Variants in SNTG1 observed in about 807,000 individuals in gnomAD.
SNTG1 encodes the protein syntrophin gamma 1, also known as gamma-1-syntrophin.
A neutral mutation model predicts 74.7 loss-of-function variants in SNTG1; 39 were observed. The observed-to-expected ratio is 0.52, with a 90% CI of 0.40 to 0.68. The LOEUF is 0.68. Ranked by LOEUF, SNTG1 falls within the 30% of genes least tolerant of loss-of-function variation. SNTG1 has a pLI of 0.00. For synonymous variants in SNTG1, 254 were observed against 217.1 expected, an observed-to-expected ratio of 1.17 and a Z score of -1.49; for missense variants, 685 against 609.5, an observed-to-expected ratio of 1.12 and a Z score of -1.30.
chr8:49,979,688 C>T (rs958639034), intron 1 of SNTG1, among the ~76,000 whole-genome samples: 7 of 152,186 alleles, frequency 4.6e-5, no homozygotes, highest in Non-Finnish European at 5.9e-5. Context: ...ACTGAAGGCT[C>T]TCTGCGGGCA....
At chr8:50,783,107 G>T (rs1161405884) in intron 18 of SNTG1, among the ~76,000 whole-genome samples, 1 of 152,134 alleles carries the variant, frequency 6.6e-6, no homozygotes, top group African/African-American at 2.4e-5. Context: ...GTGTCAGTCT[G>T]GGGGGTGCCT....
At chr8:50,236,422 A>G (rs529059758) in intron 2 of SNTG1, among the ~76,000 whole-genome samples, 90 of 151,662 alleles carry the variant, frequency 5.9e-4, no homozygotes, top group African/African-American at 1.7e-3. Context: ...AAAAGCTCTG[A>G]ATGTTTACAG....
Position 50,624,457 on chromosome 8 carries a change from T to A in SNTG1, c.850-32452T>A, listed in dbSNP as rs2094943960. ...TATTGGGTCACTAAAATGACCAAAA[T>A]GGCCCTGGATGTCATTTTAAGTCAG... On this transcript the variant is annotated intron_variant, in intron 13 of 18. Coordinates refer to ENST00000642720, the MANE Select transcript of SNTG1 (RefSeq NM_018967.5). Among the ~76,000 whole-genome samples the A allele has an allele frequency of 2.0e-5, 3 of 152,086 alleles. No individual in the cohort carries two copies. The South Asian group carries it at 6.2e-4, about 31-fold the overall frequency.
chr8:50,200,751 CTG>C (rs1382629739), intron 2 of SNTG1, among the ~76,000 whole-genome samples: 1 of 151,994 alleles, frequency 6.6e-6, no homozygotes, highest in Non-Finnish European at 1.5e-5. Context: ...AAATAGGCCT[CTG>C]TGAAGGGAAG....
intron 13 of SNTG1, among the ~76,000 whole-genome samples, chr8:50,647,840 AC>A (rs2095119850): frequency 6.6e-6 from 1 of 151,904 alleles, no homozygotes; most frequent in Non-Finnish European, 1.5e-5. Flanking sequence ...TTTTAATTCT[AC>A]TTTTTTCTAA....
intron 13 of SNTG1, among the ~76,000 whole-genome samples, chr8:50,631,113 G>C (rs2094994352): frequency 6.6e-6 from 1 of 152,158 alleles, no homozygotes; most frequent in Non-Finnish European, 1.5e-5. Flanking sequence ...GCTCAGATGA[G>C]AGCAATTCAC....
At chr8:50,123,461 G>A (rs1423621773) in intron 1 of SNTG1, among the ~76,000 whole-genome samples, 2 of 142,222 alleles carry the variant, frequency 1.4e-5, no homozygotes, top group South Asian at 2.6e-4. Flanking sequence ...TAAAATTATA[G>A]TTTTATTCAC....
intron 8 of SNTG1, among the ~76,000 whole-genome samples, chr8:50,475,273 G>GA (rs373367490): frequency 5.6e-4 from 85 of 150,778 alleles, no homozygotes; most frequent in East Asian, 1.2e-3. Context: ...GGCAAAAAAA[G>GA]AAAAAAAATG....
At position 50,658,675 on chromosome 8, in the gene SNTG1, A is replaced by G. The variant is rs184675922; in HGVS notation, c.1038+12A>G. 44 of 1,592,646 alleles carry G rather than the reference A, an allele frequency of 2.8e-5. No homozygotes were observed. In the Admixed American group the frequency reaches 4.5e-4, roughly 16 times the overall value. ...GCAAGATCCTCAAGGTATGATCAATATGTAGTCAGTATTTGAATGGCTTTT... is the reference window on the plus strand; with the variant it reads ...GCAAGATCCTCAAGGTATGATCAATGTGTAGTCAGTATTTGAATGGCTTTT... On this transcript the variant is annotated intron_variant, in intron 15 of 18. Coordinates refer to ENST00000642720, the MANE Select transcript of SNTG1 (RefSeq NM_018967.5).
intron 2 of SNTG1, among the ~76,000 whole-genome samples, chr8:50,298,755 G>C (rs896042446): frequency 6.6e-6 from 1 of 152,152 alleles, no homozygotes; most frequent in African/African-American, 2.4e-5. Flanking sequence ...AATGTTTCTA[G>C]AGGAAGTGAC....
At chr8:50,054,557 G>A in intron 1 of SNTG1, among the ~76,000 whole-genome samples, 1 of 151,970 alleles carries the variant, frequency 6.6e-6, no homozygotes, top group East Asian at 1.9e-4. Context: ...TTGCCAAAAT[G>A]TTCCTTCTCA....
intron 15 of SNTG1, among the ~76,000 whole-genome samples, chr8:50,694,821 G>A (rs1373487733): frequency 7.9e-5 from 12 of 151,018 alleles, no homozygotes. Flanking sequence ...TGAAATGAAG[G>A]ACAAATATCA....
In SNTG1 at chr8:49,971,943, G is replaced by A. The variant is rs557710186; in HGVS notation, c.-103+59712G>A. 9.9e-5 allele frequency among the ~76,000 whole-genome samples: 15 copies of A among 152,186 alleles called. No homozygotes were observed. In the South Asian group the frequency reaches 1.9e-3, roughly 19 times the overall value. ...ATCATGAAAATGGCCATTCTGCCCA[G>A]GGTAATTTATAGATTCAATGCCATC... On this transcript the variant is annotated intron_variant, in intron 1 of 18. Coordinates refer to ENST00000642720, the MANE Select transcript of SNTG1 (RefSeq NM_018967.5).
In SNTG1 at chr8:50,210,860, T is replaced by C. The variant is rs544967699; in HGVS notation, c.-28+38225T>C. On this transcript the variant is annotated intron_variant, in intron 2 of 18. Coordinates refer to ENST00000642720, the MANE Select transcript of SNTG1 (RefSeq NM_018967.5). ...TACTTTAGTTCTTAGAAATGACAGG[T>C]TAAAAAATGTACCATATTAGAAGCT... 2.0e-5 allele frequency among the ~76,000 whole-genome samples: 3 copies of C among 152,260 alleles called. No homozygotes were observed. In the South Asian group the frequency reaches 6.2e-4, roughly 32 times the overall value.
At chr8:50,361,647 AC>A (rs2091961299) in intron 2 of SNTG1, among the ~76,000 whole-genome samples, 1 of 152,036 alleles carries the variant, frequency 6.6e-6, no homozygotes, top group Non-Finnish European at 1.5e-5. Context: ...CTTCTGCTAA[AC>A]CCTTCATTGT....
chr8:50,071,246 C>G (rs571317784), intron 1 of SNTG1, among the ~76,000 whole-genome samples: 2 of 152,038 alleles, frequency 1.3e-5, no homozygotes, highest in Non-Finnish European at 2.9e-5. Flanking sequence ...TCACCCAGGT[C>G]GGAGTTCAGT....
intron 12 of SNTG1, among the ~76,000 whole-genome samples, chr8:50,557,858 G>A (rs2094465576): frequency 6.6e-6 from 1 of 152,204 alleles, no homozygotes; most frequent in Non-Finnish European, 1.5e-5. Flanking sequence ...GTCTCCTATA[G>A]CAGTTCAGTT....
At chr8:49,977,654 G>C (rs1812314024) in intron 1 of SNTG1, among the ~76,000 whole-genome samples, 1 of 152,168 alleles carries the variant, frequency 6.6e-6, no homozygotes, top group Non-Finnish European at 1.5e-5. Context: ...GATCCTATTT[G>C]TGTTCACTTA....
intron 18 of SNTG1, among the ~76,000 whole-genome samples, chr8:50,767,611 T>C (rs1432034139): frequency 2.0e-5 from 3 of 151,932 alleles, no homozygotes; most frequent in Non-Finnish European, 2.9e-5. Context: ...TTATAGTTTT[T>C]TTTGACAAGT....
Sources: allele counts gnomAD v4.1 joint callset (sites outside exome capture counted in the v4.1 genomes callset), GRCh38; gene constraint gnomAD v4.1.1; transcripts MANE v1.5; gene names NCBI Gene and HGNC (gene_info 2026-07-23, HGNC 2026-07-21).